Variants in SIPA1L2 observed in about 807,000 individuals in gnomAD.
The protein encoded by SIPA1L2 is signal-induced proliferation-associated 1-like protein 2.
In SIPA1L2, 56 loss-of-function variants were observed where a neutral mutation model predicts 163.9. That is an observed-to-expected ratio of 0.34 (90% confidence interval 0.28 to 0.43). The LOEUF is 0.43. Among genes scored for constraint, SIPA1L2 ranks in the 20% least tolerant of loss-of-function variants. SIPA1L2 has a pLI of 1.00. For synonymous variants in SIPA1L2, 877 were observed against 865.7 expected (o/e 1.01, Z -0.23); for missense variants, 1,974 against 2,193.5 (o/e 0.90, Z 2.00).
chr1:232,494,356 C>A lies in SIPA1L2; in HGVS notation c.1484-696G>T, dbSNP rs146009142. ...TGGTCCATCTACATGGAAAGGGTGG[C>A]ACCTGAGGCCATACTGTCCATCTAA... On this transcript the variant is annotated intron_variant, in intron 3 of 22. Transcript: ENST00000674635. 3.0e-3 allele frequency among the ~76,000 whole-genome samples: 461 copies of A among 152,336 alleles called. 2 individuals are homozygous for A. The highest frequency in any genetic ancestry group is 8.0e-3 in the African/African-American group (331 of 41,580).
chr1:232,615,366 C>G (rs1433761435), intron 1 of SIPA1L2, among the ~76,000 whole-genome samples: 1 of 152,214 alleles, frequency 6.6e-6, no homozygotes, highest in East Asian at 1.9e-4. Context: ...TAAAGCAGCA[C>G]AACGTGAGCT....
intron 1 of SIPA1L2, among the ~76,000 whole-genome samples, chr1:232,616,204 TACA>T (rs1573180319): frequency 1.3e-5 from 2 of 152,150 alleles, no homozygotes; most frequent in South Asian, 2.1e-4. Context: ...ACTTTTATCC[TACA>T]GTAGAGAGGA....
At chr1:232,488,884 T>G (rs1384075670) in intron 5 of SIPA1L2, among the ~76,000 whole-genome samples, 3 of 152,146 alleles carry the variant, frequency 2.0e-5, no homozygotes, top group Admixed American at 6.5e-5. Context: ...GAGCTATATT[T>G]TAGGAAGATT....
At chr1:232,539,281 G>A (rs1028224532) in intron 2 of SIPA1L2, among the ~76,000 whole-genome samples, 1 of 152,194 alleles carries the variant, frequency 6.6e-6, no homozygotes, top group Admixed American at 6.5e-5. Context: ...AAGGCCTTGA[G>A]AGGTGCGAAA....
intron 2 of SIPA1L2, among the ~76,000 whole-genome samples, chr1:232,530,807 G>A (rs946038932): frequency 3.1e-5 from 1 of 31,938 alleles, no homozygotes; most frequent in African/African-American, 3.3e-4. Context: ...TTCTAATAGA[G>A]GAAAACTAAA....
At chr1:232,507,930 T>G (rs1470695390) in intron 3 of SIPA1L2, among the ~76,000 whole-genome samples, 1 of 152,236 alleles carries the variant, frequency 6.6e-6, no homozygotes, top group Non-Finnish European at 1.5e-5. Flanking sequence ...AGAAAAGCCT[T>G]CAAGGATAAT....
rs571119020 is a variant in SIPA1L2 at position 232,492,753 on chromosome 1, T to C, written c.1617+774A>G. On this transcript the variant is annotated intron_variant, in intron 4 of 22. Transcript: ENST00000674635. Reference sequence around the variant, plus strand: ...GAACAGGAACATTTACCCATCCCTGTACCCCCACTGCATCTTGGAAGTAAC... The same window carrying C: ...GAACAGGAACATTTACCCATCCCTGCACCCCCACTGCATCTTGGAAGTAAC... Among the ~76,000 whole-genome samples, 3 of 152,288 alleles carry C rather than the reference T, an allele frequency of 2.0e-5. No homozygotes were observed. The South Asian group carries it at 6.2e-4, about 32-fold the overall frequency.
intron 14 of SIPA1L2, among the ~76,000 whole-genome samples, chr1:232,440,068 T>C (rs1662800183): frequency 6.6e-6 from 1 of 152,178 alleles, no homozygotes. Flanking sequence ...ACACGAAGTA[T>C]CTCTCTGAGA....
At chr1:232,493,807 T>G in intron 3 of SIPA1L2, 147 bp from the exon 4 acceptor site, 1 of 1,083,556 alleles carries the variant, frequency 9.2e-7, no homozygotes, top group Admixed American at 2.7e-5. Context: ...TCATCAAGTC[T>G]TCTGGTTTCC....
chr1:232,624,157 T>TA (rs1337734039), intron 1 of SIPA1L2, among the ~76,000 whole-genome samples: 3 of 152,260 alleles, frequency 2.0e-5, no homozygotes, highest in East Asian at 1.9e-4. Flanking sequence ...CATGAACACT[T>TA]AGACAATTGT....
chr1:232,529,977 C>T (rs1215034699), intron 2 of SIPA1L2, among the ~76,000 whole-genome samples: 1 of 152,176 alleles, frequency 6.6e-6, no homozygotes, highest in East Asian at 1.9e-4. Context: ...GGTTCCCAGA[C>T]TTCAGTATGA....
In SIPA1L2 at chr1:232,538,581, G is replaced by C. The variant is rs145058787; in HGVS notation, c.-269-22973C>G. Among the ~76,000 whole-genome samples, 254 of 152,118 alleles carry C rather than the reference G, an allele frequency of 1.7e-3. 1 individual carries two copies. The highest frequency in any genetic ancestry group is 6.0e-3 in the African/African-American group (248 of 41,496). ...TCAAATGGCCTATGTAAAATTACTGGTTTCAAATTATCCAAAGAGAAGTGG... is the reference window on the plus strand; with the variant it reads ...TCAAATGGCCTATGTAAAATTACTGCTTTCAAATTATCCAAAGAGAAGTGG... On this transcript the variant is annotated intron_variant, in intron 2 of 22. Transcript: ENST00000674635.
rs762152169 is a variant in SIPA1L2, at chr1:232,432,234, C to T, written c.4256+13G>A. On this transcript the variant is annotated intron_variant, in intron 16 of 22. Coordinates refer to ENST00000674635, the MANE Select transcript of SIPA1L2 (RefSeq NM_020808.5). ...AAAAATGCTGACCAGAGAAGAACAGCCAGCCACCTTACCCGGGACATTCAG... is the reference window on the plus strand; with the variant it reads ...AAAAATGCTGACCAGAGAAGAACAGTCAGCCACCTTACCCGGGACATTCAG... 6.2e-7 allele frequency: 1 copy of T among 1,609,948 alleles called. No individual in the cohort carries two copies. Among genetic ancestry groups the T allele is most frequent in the South Asian group, 1.1e-5 (1 of 90,556 alleles).
intron 2 of SIPA1L2, among the ~76,000 whole-genome samples, chr1:232,548,668 T>C (rs561579056): frequency 6.6e-6 from 1 of 152,044 alleles, no homozygotes; most frequent in South Asian, 2.1e-4. Flanking sequence ...GCAGGAGTAG[T>C]GAAAAGAGGG....
At chr1:232,542,389 C>T (rs1200721693) in intron 2 of SIPA1L2, among the ~76,000 whole-genome samples, 4 of 152,156 alleles carry the variant, frequency 2.6e-5, no homozygotes, top group African/African-American at 9.7e-5. Context: ...AAATAAGATG[C>T]ATTTACTGTA....
chr1:232,428,436 G>C lies in SIPA1L2; in HGVS notation c.4385C>G (p.Pro1462Arg). ...DFLKLMLPDS[P>R]LVEEGRRKFS... The stretch of plus-strand genomic sequence containing the variant: ...CTTTCTTCGCCCCTCCTCCACTAAG[G>C]GGCTGTCAGGAAGCATCAATTTCAG... Residue 1462 changes from proline (P) to arginine (R), a missense_variant, in exon 17 of 23, where the codon CCC becomes CGC. Around this residue, in one of 3 missense-constraint regions of SIPA1L2, gnomAD observed 1,079 missense variants for 1,150.7 expected, o/e 0.94. Transcript: ENST00000674635. 1 of 1,577,020 alleles carries C rather than the reference G, an allele frequency of 6.3e-7. No individual in the cohort carries two copies. The highest frequency in any genetic ancestry group is 8.6e-7 in the Non-Finnish European group (1 of 1,162,346).
At chr1:232,404,230 G>C (rs1660513941) in intron 19 of SIPA1L2, 52 bp from the exon 20 acceptor site, 1 of 1,562,466 alleles carries the variant, frequency 6.4e-7, no homozygotes. Context: ...CTCTATACTT[G>C]AGAATCTCGG....
intron 2 of SIPA1L2, among the ~76,000 whole-genome samples, chr1:232,540,472 G>C (rs1657587062): frequency 6.6e-6 from 1 of 152,124 alleles, no homozygotes; most frequent in Non-Finnish European, 1.5e-5. Context: ...AACACCCGTT[G>C]CCTCCATTGC....
rs1156425164 is a variant in SIPA1L2 at position 232,611,655 on chromosome 1, C to A, written c.-319+18214G>T. ...CAGACAGAGAATTTAGGGTATCCGGCAGAAGAAATTTCTAAGCAGCAAAGC... is the reference window on the plus strand; with the variant it reads ...CAGACAGAGAATTTAGGGTATCCGGAAGAAGAAATTTCTAAGCAGCAAAGC... On this transcript the variant is annotated intron_variant, in intron 1 of 22. Transcript: ENST00000674635. 2.0e-5 allele frequency among the ~76,000 whole-genome samples: 3 copies of A among 152,276 alleles called. No homozygotes were observed. In the East Asian group the frequency reaches 5.8e-4, roughly 29 times the overall value.
Sources: gnomAD v4.1 joint callset for allele counts (sites outside exome capture counted in the v4.1 genomes callset) on GRCh38, gnomAD v4.1.1 for gene constraint, gnomAD v4.1.1 regional missense constraint, MANE v1.5 for transcripts, NCBI Gene and HGNC (gene_info 2026-07-23, HGNC 2026-07-21) for gene names.